MAPRE2: variants seen among roughly 807,000 people sequenced by gnomAD.
MAPRE2 encodes the protein microtubule-associated protein RP/EB family member 2.
MAPRE2 carries 13 observed loss-of-function variants against 43.2 expected under a neutral mutation model. That is an observed-to-expected ratio of 0.30 (90% confidence interval 0.20 to 0.48). The LOEUF (loss-of-function observed/expected upper bound fraction) is 0.48. Ranked by LOEUF, MAPRE2 falls within the 20% of genes least tolerant of loss-of-function variation. MAPRE2 has a pLI of 0.99. For synonymous variants in MAPRE2, 135 were observed against 148.8 expected, an observed-to-expected ratio of 0.91 and a Z score of 0.68; for missense variants, 161 against 400.2, an observed-to-expected ratio of 0.40 and a Z score of 5.10.
chr18:35,077,609 C>T lies in MAPRE2; in HGVS notation c.250+7287C>T, dbSNP rs536499775. 2.0e-5 allele frequency among the ~76,000 whole-genome samples: 3 copies of T among 152,264 alleles called. No individual in the cohort carries two copies. In the South Asian group the frequency reaches 6.2e-4, roughly 32 times the overall value. ...TAGTACTAAGGAGTCTCTAAAGCCT[C>T]ATCATTGATTTCATTAACTTCAGTG... On this transcript the variant is annotated intron_variant, in intron 2 of 6. Coordinates refer to ENST00000300249, the MANE Select transcript of MAPRE2 (RefSeq NM_014268.4).
At chr18:35,039,476 T>C (rs538391948), upstream of MAPRE2, among the ~76,000 whole-genome samples, 1 of 152,344 alleles carries the variant, frequency 6.6e-6, no homozygotes, top group Non-Finnish European at 1.5e-5. Context: ...AAAAAAATCT[T>C]ATGTAAAGTG....
At position 35,140,488 on chromosome 18, in the gene MAPRE2, C is replaced by A; in HGVS notation, c.*119C>A. On this transcript the variant is annotated 3_prime_UTR_variant, in exon 7 of 7. Coordinates refer to ENST00000300249, the MANE Select transcript of MAPRE2 (RefSeq NM_014268.4). ...GTTGTTCCCAATCTGCCGTTACCAT[C>A]AACGCACTGTTGCATATGCCAGCCA... is the stretch of plus-strand genomic sequence containing the variant. 1.0e-6 allele frequency: 1 copy of A among 985,942 alleles called. No homozygotes were observed. The highest frequency in any genetic ancestry group is 1.5e-6 in the Non-Finnish European group (1 of 660,820). 61.1% of individuals were successfully genotyped at this position (985,942 alleles called of 1,614,324 possible).
At chr18:35,066,064 G>A (rs534939812) in intron 1 of MAPRE2, among the ~76,000 whole-genome samples, 3 of 152,292 alleles carry the variant, frequency 2.0e-5, no homozygotes, top group East Asian at 3.9e-4. Flanking sequence ...AATAAACCCC[G>A]CACAGTGAGT....
At chr18:35,032,984 TA>T (rs1276031056) in intron 2 of MAPRE2, among the ~76,000 whole-genome samples, 1 of 152,158 alleles carries the variant, frequency 6.6e-6, no homozygotes, top group Non-Finnish European at 1.5e-5. Flanking sequence ...ACCCTTGATT[TA>T]GTATATCTCT....
intron 4 of MAPRE2, among the ~76,000 whole-genome samples, chr18:35,110,105 G>A (rs1248626539): frequency 6.6e-6 from 1 of 152,030 alleles, no homozygotes; most frequent in African/African-American, 2.4e-5. Flanking sequence ...AAACCCTGCA[G>A]CCACCCCTAT....
At chr18:35,071,719 A>G (rs1907125149) in intron 2 of MAPRE2, among the ~76,000 whole-genome samples, 2 of 152,230 alleles carry the variant, frequency 1.3e-5, no homozygotes, top group African/African-American at 4.8e-5. Flanking sequence ...GTCTGAGTCC[A>G]ACACCCACCA....
At chr18:35,004,880 T>G (rs754952200) in intron 1 of MAPRE2, among the ~76,000 whole-genome samples, 18 of 147,724 alleles carry the variant, frequency 1.2e-4, no homozygotes, top group Non-Finnish European at 1.9e-4. Context: ...ATCGCGCCAC[T>G]GCACTCCAGC....
intron 2 of MAPRE2, among the ~76,000 whole-genome samples, chr18:35,094,435 G>A (rs1569001120): frequency 6.6e-6 from 1 of 152,040 alleles, no homozygotes; most frequent in Non-Finnish European, 1.5e-5. Context: ...ATAAGAATGT[G>A]GAACTGCCAT....
At chr18:35,012,193 T>G in intron 2 of MAPRE2, among the ~76,000 whole-genome samples, 1 of 152,172 alleles carries the variant, frequency 6.6e-6, no homozygotes, top group East Asian at 1.9e-4. Flanking sequence ...TTGCCCATGT[T>G]GTGCTTAGGG....
chr18:34,997,637 G>A (rs2097027164), intron 1 of MAPRE2, among the ~76,000 whole-genome samples: 1 of 152,140 alleles, frequency 6.6e-6, no homozygotes, highest in Admixed American at 6.5e-5. Context: ...CCAACATGGT[G>A]AAACCCCGTC....
intron 1 of MAPRE2, among the ~76,000 whole-genome samples, chr18:35,056,347 T>C (rs879653866): frequency 2.6e-5 from 4 of 152,198 alleles, no homozygotes; most frequent in Non-Finnish European, 5.9e-5. Context: ...GCTGAAATAA[T>C]ATAAAGTAAA....
rs773082158 is a variant in MAPRE2 at position 35,005,512 on chromosome 18, C to T, written c.-49C>T. On this transcript the variant is annotated 5_prime_UTR_variant, in exon 2 of 8. Transcript: ENST00000413393. ...CCCAGTGTCCTGTTTCCCAGAGGAA[C>T]AGTTCATTTCAACAGCCAGGGAGAA... is the stretch of plus-strand genomic sequence containing the variant. 17 of 1,541,920 alleles carry T rather than the reference C, an allele frequency of 1.1e-5. No individual in the cohort carries two copies. In the East Asian group the frequency reaches 2.9e-4, roughly 27 times the overall value.
intron 1 of MAPRE2, among the ~76,000 whole-genome samples, chr18:35,053,479 A>G (rs557584433): frequency 3.3e-5 from 5 of 149,768 alleles, no homozygotes; most frequent in South Asian, 4.2e-4. Context: ...TTTAGCTGAG[A>G]AAAAAAAAAC....
chr18:35,119,088 G>T (rs1452216381), intron 4 of MAPRE2, among the ~76,000 whole-genome samples: 1 of 152,176 alleles, frequency 6.6e-6, no homozygotes, highest in Non-Finnish European at 1.5e-5. Context: ...TTGAGCCCCG[G>T]TGACCCCACA....
chr18:35,059,589 G>A (rs761859927), intron 1 of MAPRE2, among the ~76,000 whole-genome samples: 2 of 152,220 alleles, frequency 1.3e-5, no homozygotes, highest in Non-Finnish European at 2.9e-5. Flanking sequence ...GGGGGCAAGA[G>A]GAGTGGACAG....
intron 6 of MAPRE2, among the ~76,000 whole-genome samples, chr18:35,139,103 G>A (rs1279632259): frequency 1.3e-5 from 2 of 152,178 alleles, no homozygotes; most frequent in African/African-American, 4.8e-5. Flanking sequence ...GAAAACAAAT[G>A]CTGCAGGAGA....
At chr18:35,019,378 A>G (rs1373548785) in intron 2 of MAPRE2, among the ~76,000 whole-genome samples, 1 of 151,732 alleles carries the variant, frequency 6.6e-6, no homozygotes, top group African/African-American at 2.4e-5. Flanking sequence ...TCCTTTGTCA[A>G]TTGTGTATTC....
intron 1 of MAPRE2, among the ~76,000 whole-genome samples, chr18:34,985,490 G>GCATATTATATAATATATAACATA (rs1568961911): frequency 3.2e-5 from 1 of 31,074 alleles, no homozygotes; most frequent in Non-Finnish European, 5.4e-5. Flanking sequence ...TATATATATT[G>GCATATTATATAATATATAACATA]TATATTATAT....
At chr18:34,985,461 T>C (rs1156711510) in intron 1 of MAPRE2, among the ~76,000 whole-genome samples, 1 of 44,596 alleles carries the variant, frequency 2.2e-5, no homozygotes, top group Non-Finnish European at 3.9e-5. Flanking sequence ...AACTATATTG[T>C]ATATTATATA....
Sources: allele counts gnomAD v4.1 joint callset (sites outside exome capture counted in the v4.1 genomes callset), GRCh38; gene constraint gnomAD v4.1.1; transcripts MANE v1.5; gene names NCBI Gene and HGNC (gene_info 2026-07-23, HGNC 2026-07-21).